Variants in PLXDC2 observed in about 807,000 individuals in gnomAD.
PLXDC2 encodes plexin domain containing 2.
In PLXDC2, 40 loss-of-function variants were observed where a neutral mutation model predicts 68.9. The ratio of observed to expected loss-of-function variants is 0.58; its 90% confidence interval spans 0.45 to 0.76. The LOEUF is 0.76. PLXDC2 is among the 30% of genes least tolerant of loss of function. PLXDC2 has a pLI of 0.00. For missense variants in PLXDC2, 644 were observed against 661.9 expected, an observed-to-expected ratio of 0.97 and a Z score of 0.30; for synonymous variants, 243 against 234.2, an observed-to-expected ratio of 1.04 and a Z score of -0.34.
At chr10:20,042,283 A>T (rs983059815) in intron 2 of PLXDC2, among the ~76,000 whole-genome samples, 2 of 151,938 alleles carry the variant, frequency 1.3e-5, no homozygotes, top group African/African-American at 4.8e-5. Flanking sequence ...AACACAGGGA[A>T]CTCTTTTATT....
chr10:20,144,890 C>G (rs1003159247), intron 5 of PLXDC2, among the ~76,000 whole-genome samples: 1 of 152,168 alleles, frequency 6.6e-6, no homozygotes, highest in Non-Finnish European at 1.5e-5. Flanking sequence ...AAATAAGTCT[C>G]TCTTCATATA....
chr10:20,088,525 G>C (rs1798330789), intron 4 of PLXDC2, among the ~76,000 whole-genome samples: 1 of 152,104 alleles, frequency 6.6e-6, no homozygotes, highest in Non-Finnish European at 1.5e-5. Context: ...GTACTGTTGA[G>C]GAAACCAAAA....
intron 1 of PLXDC2, among the ~76,000 whole-genome samples, chr10:19,936,954 G>T (rs906950534): frequency 6.6e-6 from 1 of 152,240 alleles, no homozygotes; most frequent in Admixed American, 6.5e-5. Flanking sequence ...TCCAGATATT[G>T]GCAGATATCG....
intron 2 of PLXDC2, among the ~76,000 whole-genome samples, chr10:20,006,798 T>G (rs114175356): frequency 1.9e-3 from 297 of 152,358 alleles, no homozygotes; most frequent in African/African-American, 6.9e-3. Flanking sequence ...CATTGTCTAA[T>G]ATTCTTCCCA....
intron 1 of PLXDC2, among the ~76,000 whole-genome samples, chr10:19,976,014 A>T (rs889237489): frequency 6.6e-6 from 1 of 152,160 alleles, no homozygotes; most frequent in Non-Finnish European, 1.5e-5. Flanking sequence ...AAATAAAAAT[A>T]AAAAAGAATA....
intron 1 of PLXDC2, among the ~76,000 whole-genome samples, chr10:19,845,593 G>C (rs1452181159): frequency 1.3e-5 from 2 of 152,116 alleles, no homozygotes; most frequent in Non-Finnish European, 2.9e-5. Context: ...ATAATTCAAG[G>C]GCAAGCTAGA....
chr10:20,012,430 G>C (rs1835136276), intron 2 of PLXDC2, among the ~76,000 whole-genome samples: 1 of 143,750 alleles, frequency 7.0e-6, no homozygotes, highest in Non-Finnish European at 1.5e-5. Context: ...CGATTCTCCT[G>C]ACTCAGCCTC....
At chr10:20,213,715 A>C (rs927300555) in intron 10 of PLXDC2, among the ~76,000 whole-genome samples, 1 of 152,096 alleles carries the variant, frequency 6.6e-6, no homozygotes. Context: ...TGATCTTTAA[A>C]GTTGATTGGA....
chr10:20,155,012 A>T (rs1834199991), intron 6 of PLXDC2, among the ~76,000 whole-genome samples: 1 of 152,146 alleles, frequency 6.6e-6, no homozygotes, highest in South Asian at 2.1e-4. Flanking sequence ...ATATAGAGGA[A>T]CTTTACTGTT....
chr10:19,999,261 T>C (rs1476397266), intron 1 of PLXDC2, among the ~76,000 whole-genome samples: 1 of 152,118 alleles, frequency 6.6e-6, no homozygotes, highest in Non-Finnish European at 1.5e-5. Flanking sequence ...GTTATAAATA[T>C]CTAAAAAATG....
At chr10:20,232,227 A>G (rs550736625) in intron 12 of PLXDC2, among the ~76,000 whole-genome samples, 5 of 152,256 alleles carry the variant, frequency 3.3e-5, no homozygotes, top group Admixed American at 2.0e-4. Flanking sequence ...ACTAATATTG[A>G]TGAGGATATG....
chr10:20,146,082 G>T (rs1014830918), intron 5 of PLXDC2, among the ~76,000 whole-genome samples: 1 of 152,178 alleles, frequency 6.6e-6, no homozygotes, highest in African/African-American at 2.4e-5. Context: ...AGTTCACATG[G>T]AAAGTTTTAT....
At chr10:20,266,404 A>T (rs1272614129) in intron 13 of PLXDC2, among the ~76,000 whole-genome samples, 2 of 151,976 alleles carry the variant, frequency 1.3e-5, no homozygotes, top group Admixed American at 1.3e-4. Flanking sequence ...ATACAAGAAC[A>T]ATTGTTGTTT....
At chr10:19,841,474 A>G (rs1413164837) in intron 1 of PLXDC2, among the ~76,000 whole-genome samples, 1 of 152,058 alleles carries the variant, frequency 6.6e-6, no homozygotes, top group African/African-American at 2.4e-5. Context: ...TATATAGAAG[A>G]AAAATCTTGT....
chr10:20,115,151 C>T (rs1401521418), intron 4 of PLXDC2, among the ~76,000 whole-genome samples: 1 of 152,158 alleles, frequency 6.6e-6, no homozygotes, highest in Non-Finnish European at 1.5e-5. Flanking sequence ...AGAGGGCCAG[C>T]ACGTTACTCT....
At position 20,072,527 on chromosome 10, in the gene PLXDC2, GAAAGAAAGAAAGAAAGA is replaced by G. The variant is rs1443203684; in HGVS notation, c.541+4291_541+4307del. Among the ~76,000 whole-genome samples the G allele has an allele frequency of 2.4e-3, 253 of 104,548 alleles. 7 individuals carry two copies. Among genetic ancestry groups the G allele is most frequent in the African/African-American group, 0.018 (240 of 13,714 alleles). 68.6% of individuals were successfully genotyped at this position (104,548 alleles called of 152,430 possible). A position where few individuals can be genotyped will look rare whatever the true frequency, so the allele number is the denominator to read the frequency against. On this transcript the variant is annotated intron_variant, in intron 4 of 13. Transcript: ENST00000377252. ...AGAAAGAAAGAAAGAAAGAAAGAAAGAAAGAAAGAAAGAAAGAAAGAAAGAAAAGGAAAGAAAGGAAG... is the reference window on the plus strand; with the variant it reads ...AGAAAGAAAGAAAGAAAGAAAGAAAGAAGAAAGAAAAGGAAAGAAAGGAAG...
intron 1 of PLXDC2, among the ~76,000 whole-genome samples, chr10:19,865,477 T>C (rs543650193): frequency 1.4e-4 from 22 of 152,298 alleles, no homozygotes; most frequent in Non-Finnish European, 3.1e-4. Context: ...ATTACTGGTA[T>C]GAATGGATGC....
intron 1 of PLXDC2, among the ~76,000 whole-genome samples, chr10:19,974,094 G>T (rs57708822): frequency 0.052 from 7,930 of 152,278 alleles, 268 homozygotes; most frequent in Middle Eastern, 0.092. Flanking sequence ...GAGCCTAAAA[G>T]GGTGGAAAGC....
chr10:20,131,979 T>C (rs1487214646), intron 4 of PLXDC2, among the ~76,000 whole-genome samples: 1 of 152,184 alleles, frequency 6.6e-6, no homozygotes, highest in Non-Finnish European at 1.5e-5. Context: ...TGTAGGCATT[T>C]ATTGCTATAA....
Sources: gnomAD v4.1 joint callset for allele counts (sites outside exome capture counted in the v4.1 genomes callset) on GRCh38, gnomAD v4.1.1 for gene constraint, MANE v1.5 for transcripts, NCBI Gene and HGNC (gene_info 2026-07-23, HGNC 2026-07-21) for gene names.